The following ACADSB variants were observed in gnomAD, a reference collection of about 807,000 sequenced individuals.
ACADSB encodes acyl-CoA dehydrogenase short/branched chain, also known as short/branched chain specific acyl-CoA dehydrogenase, mitochondrial.
In ACADSB, 40 loss-of-function variants were observed where a neutral mutation model predicts 54.1. The observed-to-expected ratio is 0.74, with a 90% CI of 0.57 to 0.96. The LOEUF is 0.96. Ranked by LOEUF, ACADSB falls within the 40% of genes least tolerant of loss-of-function variation. ACADSB has a pLI of 0.00. For missense variants in ACADSB, 530 were observed against 510.4 expected (o/e 1.04, Z -0.37); for synonymous variants, 182 against 182.8 (o/e 1.00, Z 0.03).
intron 7 of ACADSB, among the ~76,000 whole-genome samples, chr10:123,045,213 C>G (rs1589743607): frequency 1.1e-5 from 1 of 88,808 alleles, no homozygotes; most frequent in East Asian, 3.9e-4. Context: ...GAGTCTTGCT[C>G]TGTTGCCCAG....
Position 123,041,290 on chromosome 10 carries a change from T to G in ACADSB, c.592T>G (p.Tyr198Asp), listed in dbSNP as rs1850469135. ...LKTRADKEGD[Y>D]YVLNGSKMWI... ...GACCAGAGCTGATAAAGAGGGAGATTATTATGTCCTCAATGGATCAAAGAT... is the reference window on the plus strand; with the variant it reads ...GACCAGAGCTGATAAAGAGGGAGATGATTATGTCCTCAATGGATCAAAGAT... The change falls in exon 5 of 11, where the codon TAT (tyrosine) becomes GAT (aspartate). Residue 198 changes from tyrosine to aspartate, a missense_variant. Physicochemically the swap from Tyr to Asp is radical, Grantham distance 160 (BLOSUM62 -3). Coordinates refer to ENST00000358776, the MANE Select transcript of ACADSB (RefSeq NM_001609.4). 6.2e-7 allele frequency: 1 copy of G among 1,614,206 alleles called. No homozygotes were observed. Among genetic ancestry groups the G allele is most frequent in the South Asian group, 1.1e-5 (1 of 91,084 alleles).
chr10:123,014,870 CTTGT>C (rs1425005022), intron 1 of ACADSB, among the ~76,000 whole-genome samples: 1 of 152,164 alleles, frequency 6.6e-6, no homozygotes, highest in East Asian at 1.9e-4. Context: ...ATATGCTCAG[CTTGT>C]TTAAGAAATA....
chr10:123,027,721 T>C, intron 1 of ACADSB: 1 of 257,486 alleles, frequency 3.9e-6, no homozygotes, highest in South Asian at 3.1e-5. Flanking sequence ...TATGGCCCCT[T>C]GGCAGATATC....
chr10:123,009,159 G>T, intron 1 of ACADSB, 88 bp downstream of exon 1: 1 of 1,421,584 alleles, frequency 7.0e-7, no homozygotes. Context: ...AACGGGCCTC[G>T]GGGCGCCGGC....
At chr10:123,036,818 T>C (rs965980707) in intron 2 of ACADSB, among the ~76,000 whole-genome samples, 6 of 152,102 alleles carry the variant, frequency 3.9e-5, no homozygotes, top group African/African-American at 1.4e-4. Flanking sequence ...AAAGTGCAGT[T>C]GGCCAGCTGG....
chr10:123,031,989 T>C lies in ACADSB; in HGVS notation c.43-2367T>C, dbSNP rs192457214. On this transcript the variant is annotated intron_variant, in intron 1 of 10. Transcript: ENST00000358776. ...GAGCTTTCTTTTCTTTTCTTTTTCT[T>C]TTTTTTTTAAGATGGAGTCTCACTT... Among the ~76,000 whole-genome samples the C allele has an allele frequency of 4.1e-3, 612 of 150,906 alleles. 7 individuals are homozygous for C. Among genetic ancestry groups the C allele is most frequent in the Non-Finnish European group, 7.0e-3 (474 of 67,630 alleles).
Position 123,016,513 on chromosome 10 carries a change from T to C in ACADSB, c.42+7442T>C, listed in dbSNP as rs564999938. Reference sequence around the variant, plus strand: ...CTCCTAAGTTAGGCTTTCAATCTTGTCTACCTATTAAGCTAGGTTACAGTT... The same window carrying C: ...CTCCTAAGTTAGGCTTTCAATCTTGCCTACCTATTAAGCTAGGTTACAGTT... On this transcript the variant is annotated intron_variant, in intron 1 of 10. Coordinates refer to ENST00000358776, the MANE Select transcript of ACADSB (RefSeq NM_001609.4). 2.0e-4 allele frequency among the ~76,000 whole-genome samples: 30 copies of C among 152,378 alleles called. 2 individuals carry two copies. In the South Asian group the frequency reaches 6.0e-3, roughly 30 times the overall value.
intron 3 of ACADSB, among the ~76,000 whole-genome samples, chr10:123,040,162 A>G (rs1850450459): frequency 6.7e-6 from 1 of 148,280 alleles, no homozygotes; most frequent in Non-Finnish European, 1.5e-5. Flanking sequence ...ACTGGCCAAC[A>G]TGGCGAAACC....
chr10:123,045,931 A>T (rs947743490), intron 7 of ACADSB, among the ~76,000 whole-genome samples: 1 of 152,244 alleles, frequency 6.6e-6, no homozygotes, highest in Non-Finnish European at 1.5e-5. Flanking sequence ...GGAGTATAAC[A>T]GTGAACTGAA....
intron 5 of ACADSB, among the ~76,000 whole-genome samples, chr10:123,041,966 CTTTTT>C (rs373340179): frequency 2.3e-5 from 3 of 132,680 alleles, no homozygotes; most frequent in Admixed American, 1.6e-4. Flanking sequence ...TTTTTCTTTT[CTTTTT>C]TTTTTTTTTT....
At chr10:123,050,159 C>CTTTTG (rs1485875220) in intron 8 of ACADSB, among the ~76,000 whole-genome samples, 3 of 152,360 alleles carry the variant, frequency 2.0e-5, no homozygotes, top group African/African-American at 7.2e-5. Context: ...TTTTCCCTCC[C>CTTTTG]TTTTGTTTAA....
At chr10:123,010,731 T>C (rs1194181105) in intron 1 of ACADSB, among the ~76,000 whole-genome samples, 2 of 152,188 alleles carry the variant, frequency 1.3e-5, no homozygotes, top group Non-Finnish European at 2.9e-5. Context: ...TCGGTAAATA[T>C]CAGCTCTTAC....
intron 3 of ACADSB, 113 bp downstream of exon 3, chr10:123,037,960 G>A (rs1850421815): frequency 3.6e-6 from 3 of 829,310 alleles, no homozygotes; most frequent in East Asian, 5.1e-5. Context: ...TTCTTTTTTT[G>A]GTTGAAATCC....
intron 6 of ACADSB, among the ~76,000 whole-genome samples, chr10:123,044,053 C>A (rs1013914148): frequency 1.6e-4 from 24 of 151,970 alleles, no homozygotes; most frequent in African/African-American, 5.8e-4. Flanking sequence ...CTTTGTAGTT[C>A]CTAATATGTT....
At chr10:123,041,776 G>A (rs1334801918) in intron 5 of ACADSB, among the ~76,000 whole-genome samples, 1 of 152,028 alleles carries the variant, frequency 6.6e-6, no homozygotes, top group East Asian at 1.9e-4. Flanking sequence ...AGAGTCTACC[G>A]GAGCATGTGC....
chr10:123,011,179 A>C (rs1850029348), intron 1 of ACADSB, among the ~76,000 whole-genome samples: 1 of 152,196 alleles, frequency 6.6e-6, no homozygotes, highest in Non-Finnish European at 1.5e-5. Context: ...TTTGGTTTCT[A>C]TCCAGAGGCA....
chr10:123,044,732 AATACCTGAACCG>A (rs1184196420), intron 7 of ACADSB, among the ~76,000 whole-genome samples: 1 of 152,178 alleles, frequency 6.6e-6, no homozygotes, highest in Non-Finnish European at 1.5e-5. Flanking sequence ...AGTATTATCT[AATACCTGAACCG>A]ATAGCTTTTC....
chr10:123,040,302 G>A (rs948680462), intron 3 of ACADSB, among the ~76,000 whole-genome samples, 164 bp from the exon 4 acceptor site: 1 of 151,928 alleles, frequency 6.6e-6, no homozygotes, highest in Admixed American at 6.6e-5. Context: ...AGTGAGCTGA[G>A]ATTGCGCCAT....
At chr10:123,049,952 G>C (rs1422983525) in intron 8 of ACADSB, among the ~76,000 whole-genome samples, 1 of 152,200 alleles carries the variant, frequency 6.6e-6, no homozygotes, top group Non-Finnish European at 1.5e-5. Context: ...AAAGTGAAAA[G>C]ATAAATCACA....
Sources: allele counts gnomAD v4.1 joint callset (sites outside exome capture counted in the v4.1 genomes callset), GRCh38; gene constraint gnomAD v4.1.1; transcripts MANE v1.5; gene names NCBI Gene and HGNC (gene_info 2026-07-23, HGNC 2026-07-21).